EDNRB: variants seen among roughly 807,000 people sequenced by gnomAD.
EDNRB encodes endothelin receptor type B, also known as Hirschsprung disease 2.
Under a neutral mutation model 46.4 loss-of-function variants are expected in EDNRB, and 18 were observed. The ratio of observed to expected loss-of-function variants is 0.39; its 90% CI spans 0.27 to 0.57. EDNRB has a LOEUF of 0.57. Among genes scored for constraint, EDNRB ranks in the 20% least tolerant of loss-of-function variants. EDNRB has a pLI of 0.61. For synonymous variants in EDNRB, 213 were observed against 204.9 expected (o/e 1.04, Z -0.34); for missense variants, 434 against 537.5 (o/e 0.81, Z 1.90).
At chr13:77,945,876 C>CAAAAAAAAAAAAAAAAAAA (rs67463440) in intron 1 of EDNRB, among the ~76,000 whole-genome samples, 4 of 115,590 alleles carry the variant, frequency 3.5e-5, no homozygotes, top group African/African-American at 6.5e-5. Flanking sequence ...TGCAAAAAAC[C>CAAAAAAAAAAAAAAAAAAA]AAAAAAAAAA....
intron 1 of EDNRB, among the ~76,000 whole-genome samples, chr13:77,908,043 A>AAAG (rs4052535): frequency 2.8e-4 from 20 of 72,496 alleles, no homozygotes; most frequent in African/African-American, 1.1e-3. Context: ...AAAAAAAAAA[A>AAAG]AGAGAGAGAG....
intron 1 of EDNRB, among the ~76,000 whole-genome samples, chr13:77,930,060 GA>G (rs1410155091): frequency 6.6e-6 from 1 of 152,150 alleles, no homozygotes; most frequent in Non-Finnish European, 1.5e-5. Context: ...TGGATTGATT[GA>G]AAGCTAAGTT....
chr13:77,919,832 T>G, upstream of EDNRB: 1 of 539,932 alleles, frequency 1.9e-6, no homozygotes, highest in Non-Finnish European at 3.3e-6. Context: ...ACGCACCATG[T>G]GACACCCGGC....
intron 1 of EDNRB, among the ~76,000 whole-genome samples, chr13:77,928,216 G>T (rs937654559): frequency 2.0e-5 from 3 of 152,118 alleles, no homozygotes; most frequent in African/African-American, 4.8e-5. Context: ...GGAGGAATAA[G>T]ACATCACTTT....
rs750260325 is a variant in EDNRB, at chr13:77,898,334, A to T, written c.1195T>A (p.Ser399Thr). The T allele has an allele frequency of 8.1e-6, 13 of 1,611,666 alleles. 2 individuals are homozygous for T. In the South Asian group the frequency reaches 1.4e-4, roughly 18 times the overall value. The change falls in exon 7 of 7, where the codon TCA becomes ACA. Residue 399 changes from serine to threonine, a missense_variant and splice_region_variant. Transcript: ENST00000646607. ...GACTGGCACCAGCAGCATAAGCATG[A>T]CTGTACAAAACAAAGTAACTCATTA... is the stretch of plus-strand genomic sequence containing the variant. The part of the protein sequence containing the change: ...VSKRFKNCFK[S>T]CLCCWCQSFE...
intron 1 of EDNRB, among the ~76,000 whole-genome samples, chr13:77,961,094 G>T (rs967040434): frequency 1.3e-5 from 2 of 151,940 alleles, no homozygotes; most frequent in Non-Finnish European, 2.9e-5. Flanking sequence ...AATAATAATG[G>T]GAGACTTTAA....
chr13:77,936,489 A>G (rs969541362), intron 1 of EDNRB, among the ~76,000 whole-genome samples: 21 of 152,076 alleles, frequency 1.4e-4, no homozygotes, highest in Admixed American at 3.9e-4. Flanking sequence ...CCTCCATATT[A>G]ATTAAGAAGG....
intron 1 of EDNRB, among the ~76,000 whole-genome samples, chr13:77,906,900 G>C (rs1044188108): frequency 1.3e-5 from 2 of 151,974 alleles, no homozygotes; most frequent in Non-Finnish European, 2.9e-5. Context: ...TCACTTAAGT[G>C]AGTAATAGAT....
At chr13:77,940,328 A>ATT (rs11436675) in intron 1 of EDNRB, among the ~76,000 whole-genome samples, 50 of 150,102 alleles carry the variant, frequency 3.3e-4, no homozygotes, top group South Asian at 8.4e-4. Flanking sequence ...GAAGAGTTTA[A>ATT]TTTTTTTTTT....
chr13:77,905,480 T>G (rs1879229452), intron 1 of EDNRB, among the ~76,000 whole-genome samples: 2 of 151,980 alleles, frequency 1.3e-5, no homozygotes, highest in African/African-American at 2.4e-5. Flanking sequence ...GTTCATTCAT[T>G]CATTCAATGA....
At chr13:77,919,137 T>A (rs1397043514), upstream of EDNRB, 1 of 515,574 alleles carries the variant, frequency 1.9e-6, no homozygotes, top group African/African-American at 1.9e-5. Flanking sequence ...GAGCTACAGC[T>A]CCCGCAGCGC....
intron 1 of EDNRB, among the ~76,000 whole-genome samples, chr13:77,925,173 T>A (rs1216770334): frequency 3.1e-4 from 47 of 152,220 alleles, no homozygotes; most frequent in Non-Finnish European, 1.3e-4. Flanking sequence ...GACTGGCTTG[T>A]TTTATTTAGC....
Position 77,908,535 on chromosome 13 carries a change from A to C in EDNRB, c.484-4928T>G, listed in dbSNP as rs183943514. Among the ~76,000 whole-genome samples the C allele has an allele frequency of 2.9e-3, 434 of 152,054 alleles. 2 individuals are homozygous for C. The highest frequency in any genetic ancestry group is 0.01 in the African/African-American group (422 of 41,512). On this transcript the variant is annotated intron_variant, in intron 1 of 6. Coordinates refer to ENST00000646607, the MANE Select transcript of EDNRB (RefSeq NM_001122659.3). ...ATTCTTAGACATTCATTTCTTCATC[A>C]TTCTTTGGGAAAAATAACAACATCT... is the stretch of plus-strand genomic sequence containing the variant.
chr13:77,940,828 G>A (rs1304289239), intron 1 of EDNRB, among the ~76,000 whole-genome samples: 1 of 152,024 alleles, frequency 6.6e-6, no homozygotes, highest in African/African-American at 2.4e-5. Context: ...TATTTGAAGG[G>A]GAGATGGAAG....
At chr13:77,902,411 A>C (rs1445148219) in intron 3 of EDNRB, among the ~76,000 whole-genome samples, 2 of 151,816 alleles carry the variant, frequency 1.3e-5, no homozygotes, top group African/African-American at 4.8e-5. Context: ...CCTTGCCCCT[A>C]GTTTCAGTAA....
At chr13:77,919,787 C>T, upstream of EDNRB, 1 of 630,766 alleles carries the variant, frequency 1.6e-6, no homozygotes, top group Non-Finnish European at 2.7e-6. Flanking sequence ...GAGTTCTACG[C>T]TCTTCAAATG....
Position 77,897,922 on chromosome 13 carries a change from C to G in EDNRB, c.*278G>C. ...TTAAGCCTAAGTGTTGTGTGAATAT[C>G]CTGGAAGTTGTTAAGAGCTATGTTG... On this transcript the variant is annotated 3_prime_UTR_variant, in exon 7 of 7. Transcript: ENST00000646607. 1 of 1,169,604 alleles carries G rather than the reference C, an allele frequency of 8.5e-7. No homozygotes were observed. The highest frequency in any genetic ancestry group is 5.4e-5 in the East Asian group (1 of 18,654). The allele number at this position is 1,169,604 out of a possible 1,614,324, so 72.5% of individuals were successfully genotyped here.
intron 1 of EDNRB, among the ~76,000 whole-genome samples, chr13:77,943,784 A>G (rs1465499144): frequency 6.6e-6 from 1 of 152,074 alleles, no homozygotes. Flanking sequence ...AGCAATCAGA[A>G]ATATACCCAC....
exon 1 of EDNRB, chr13:77,975,517 C>G (rs182142328): frequency 1.7e-4 from 26 of 152,440 alleles, no homozygotes; most frequent in African/African-American, 5.8e-4. Context: ...GCCAGAGTCC[C>G]CCACCGGAAT....
Sources: gnomAD v4.1 joint callset for allele counts (sites outside exome capture counted in the v4.1 genomes callset) on GRCh38, gnomAD v4.1.1 for gene constraint, MANE v1.5 for transcripts, NCBI Gene and HGNC (gene_info 2026-07-23, HGNC 2026-07-21) for gene names.